The following MYF6 variants were observed in gnomAD, a reference collection of about 807,000 sequenced individuals.
The protein encoded by MYF6 is class C basic helix-loop-helix protein 4.
MYF6 carries 20 observed loss-of-function variants against 21.7 expected under a neutral mutation model. The ratio of observed to expected loss-of-function variants is 0.92; its 90% confidence interval spans 0.65 to 1.34. The LOEUF (loss-of-function observed/expected upper bound fraction) is 1.34, where lower values mean the gene tolerates loss of function less well. Ranked by LOEUF, MYF6 falls within the 40% of genes most tolerant of loss-of-function variation. The probability of loss-of-function intolerance (pLI) is 0.00; values close to 1 mark genes in which losing one functional copy is unlikely to be tolerated. For missense variants in MYF6, 320 were observed against 304.1 expected (o/e 1.05, Z -0.39); for synonymous variants, 124 against 124.7 (o/e 0.99, Z 0.04).
At position 80,709,085 on chromosome 12, in the gene MYF6, AG is replaced by A. The variant is rs1868429068; in HGVS notation, c.*128del. The A allele has an allele frequency of 8.9e-6, 7 of 783,250 alleles. No homozygotes were observed. The Admixed American group carries it at 1.0e-4, about 12-fold the overall frequency. 48.5% of individuals were successfully genotyped at this position (783,250 alleles called of 1,614,324 possible). A position where few individuals can be genotyped will look rare whatever the true frequency, so the allele number is the denominator to read the frequency against. On this transcript the variant is annotated 3_prime_UTR_variant, in exon 3 of 3. Coordinates refer to ENST00000228641, the MANE Select transcript of MYF6 (RefSeq NM_002469.3). ...GAACCCAGACCGAAAAGTTGCTGAA[AG>A]GGAAGGAGACACATTCACAAAGAAA...
rs1395774465 is a variant in MYF6, at chr12:80,707,790, C to A, written c.71C>A (p.Pro24Gln). Residue 24 changes from proline to glutamine, a missense_variant, in exon 1 of 3, where the codon CCA (proline) becomes CAA (glutamine). Physicochemically the swap from Pro to Gln is moderately conservative, Grantham distance 76 (BLOSUM62 -1). Transcript: ENST00000228641. ...YLDGENVTLQ[P>Q]LEVAEGSPLY... The stretch of plus-strand genomic sequence containing the variant: ...GATGGGGAAAATGTTACTCTGCAGC[C>A]ATTAGAAGTGGCAGAAGGCTCTCCT... 2.5e-6 allele frequency: 4 copies of A among 1,614,102 alleles called. No homozygotes were observed. In the Admixed American group the frequency reaches 6.7e-5, roughly 27 times the overall value.
chr12:80,709,306 A>C lies in MYF6; in HGVS notation c.*346A>C, dbSNP rs1047183. 9 of 222,750 alleles carry C rather than the reference A, an allele frequency of 4.0e-5. No homozygotes were observed. The highest frequency in any genetic ancestry group is 9.0e-6 in the Non-Finnish European group (1 of 111,190). 13.8% of individuals were successfully genotyped at this position (222,750 alleles called of 1,614,324 possible). ...GTTCAAAAGAAGTTCATTCCTGTCT[A>C]AAGTGGGAAAGTTGCATTTAATGTT... On this transcript the variant is annotated 3_prime_UTR_variant, in exon 3 of 3. Coordinates refer to ENST00000228641, the MANE Select transcript of MYF6 (RefSeq NM_002469.3).
Position 80,708,510 on chromosome 12 carries a change from G to T in MYF6, c.520-14G>T, listed in dbSNP as rs779720705. On this transcript the variant is annotated splice_polypyrimidine_tract_variant and intron_variant, in intron 1 of 2. Coordinates refer to ENST00000228641, the MANE Select transcript of MYF6 (RefSeq NM_002469.3). The stretch of plus-strand genomic sequence containing the variant: ...TTCTTTCCTAATCTGCCGCTGCCTT[G>T]GTTTTCCCTCCAGCTTGAGGGTGCG... 2 of 1,602,486 alleles carry T rather than the reference G, an allele frequency of 1.2e-6. No individual in the cohort carries two copies. Among genetic ancestry groups the T allele is most frequent in the Non-Finnish European group, 8.5e-7 (1 of 1,170,460 alleles).
In MYF6 at chr12:80,708,941, AG is replaced by A. The variant is rs1451307087; in HGVS notation, c.712del (p.Glu238LysfsTer7). 6.2e-7 allele frequency: 1 copy of A among 1,613,696 alleles called. No individual in the cohort carries two copies. Among genetic ancestry groups the A allele is most frequent in the Non-Finnish European group, 8.5e-7 (1 of 1,179,690 alleles). On this transcript the variant is annotated frameshift_variant, in exon 3 of 3. Transcript: ENST00000228641. LOFTEE classifies it high-confidence loss of function. ...GAGGAACGCAAACTCCCCTGCGTGG[AG>A]GAAGTGGTGGAGAAGTAACTGAGCC... ...SSEERKLPCV[E>X]EVVEK
Position 80,708,563 on chromosome 12 carries a change from T to A in MYF6, c.559T>A (p.Trp187Arg), listed in dbSNP as rs143677057. The change falls in exon 2 of 3, where the codon TGG becomes AGG. Residue 187 changes from tryptophan (W) to arginine (R), a missense_variant. By Grantham distance (101) the Trp-to-Arg change is moderately radical (BLOSUM62 -3). Coordinates refer to ENST00000228641, the MANE Select transcript of MYF6 (RefSeq NM_002469.3). The stretch of plus-strand genomic sequence containing the variant: ...TTTCCTGCGCACCTGCAGCTCCCAG[T>A]GGCCAAGTGTTTCCGATCATTCCAG... ...ADFLRTCSSQ[W>R]PSVSDHSRGL... 1,042 of 1,613,308 alleles carry A rather than the reference T, an allele frequency of 6.5e-4. 1 individual carries two copies. Among genetic ancestry groups the A allele is most frequent in the Non-Finnish European group, 7.5e-4 (886 of 1,179,646 alleles).
At chr12:80,708,662 G>T (rs1404618722) in intron 2 of MYF6, 48 bp downstream of exon 2, 6 of 1,590,650 alleles carry the variant, frequency 3.8e-6, no homozygotes, top group Admixed American at 1.7e-5. Context: ...CCGGGAGGTG[G>T]ATAGGATGCT....
rs1035326012 is a variant in MYF6 at position 80,708,521 on chromosome 12, C to T, written c.520-3C>T. ...TCTGCCGCTGCCTTGGTTTTCCCTC[C>T]AGCTTGAGGGTGCGGATTTCCTGCG... On this transcript the variant is annotated splice_region_variant and splice_polypyrimidine_tract_variant and intron_variant, in intron 1 of 2. Transcript: ENST00000228641. 15 of 1,613,710 alleles carry T rather than the reference C, an allele frequency of 9.3e-6. No individual in the cohort carries two copies. The highest frequency in any genetic ancestry group is 1.3e-5 in the Non-Finnish European group (15 of 1,179,756).
chr12:80,708,254 G>A lies in MYF6; in HGVS notation c.519+16G>A, dbSNP rs1049427657. 2 of 1,604,180 alleles carry A rather than the reference G, an allele frequency of 1.2e-6. No individual in the cohort carries two copies. Among genetic ancestry groups the A allele is most frequent in the Non-Finnish European group, 1.7e-6 (2 of 1,177,970 alleles). On this transcript the variant is annotated intron_variant, in intron 1 of 2. Transcript: ENST00000228641. ...ACAAGAAAATGTAAGCCTAGATGCTGCCGGGGCAGGGAAATGCGAAGGCTG... is the reference window on the plus strand; with the variant it reads ...ACAAGAAAATGTAAGCCTAGATGCTACCGGGGCAGGGAAATGCGAAGGCTG...
Position 80,707,708 on chromosome 12 carries a change from AAGG to A in MYF6, c.-6_-4del. On this transcript the variant is annotated 5_prime_UTR_variant, in exon 1 of 3. Coordinates refer to ENST00000228641, the MANE Select transcript of MYF6 (RefSeq NM_002469.3). ...CCCAGTTCAGATCGAGTCAGAGGCC[AAGG>A]AGGAGAACATGATGATGGACCTTTT... is the stretch of plus-strand genomic sequence containing the variant. The A allele has an allele frequency of 1.2e-6, 2 of 1,614,178 alleles. No homozygotes were observed. Among genetic ancestry groups the A allele is most frequent in the Non-Finnish European group, 1.7e-6 (2 of 1,180,030 alleles).
Position 80,708,047 on chromosome 12 carries a change from A to T in MYF6, c.328A>T (p.Asn110Tyr). Reference sequence around the variant, plus strand: ...CGAAAGGAGGAGGCTAAAGAAAATCAACGAGGCCTTCGAGGCACTGAAGCG... The same window carrying T: ...CGAAAGGAGGAGGCTAAAGAAAATCTACGAGGCCTTCGAGGCACTGAAGCG... ...LRERRRLKKINEAFEALKRRT... is the reference protein window; with the variant it reads ...LRERRRLKKIYEAFEALKRRT... Residue 110 changes from asparagine to tyrosine, a missense_variant, in exon 1 of 3, where the codon AAC (asparagine) becomes TAC (tyrosine). Transcript: ENST00000228641. 6.2e-7 allele frequency: 1 copy of T among 1,614,162 alleles called. No individual in the cohort carries two copies. Among genetic ancestry groups the T allele is most frequent in the Non-Finnish European group, 8.5e-7 (1 of 1,180,038 alleles).
At chr12:80,708,656 G>T in intron 2 of MYF6, 42 bp downstream of exon 2, 1 of 1,595,622 alleles carries the variant, frequency 6.3e-7, no homozygotes, top group Non-Finnish European at 8.6e-7. Context: ...GAAAATCCGG[G>T]AGGTGGATAG....
intron 1 of MYF6, 47 bp downstream of exon 1, chr12:80,708,285 ACGCCTTCCGCGGGGCCTTAACCT>A (rs1363332333): frequency 6.3e-7 from 1 of 1,583,926 alleles, no homozygotes; most frequent in Non-Finnish European, 8.5e-7. Context: ...GGCTGATTAA[ACGCCTTCCGCGGGGCCTTAACCT>A]CCAGCTGCTT....
In MYF6 at chr12:80,707,816, T is replaced by C; in HGVS notation, c.97T>C (p.Leu33=). 6.2e-7 allele frequency: 1 copy of C among 1,614,140 alleles called. No individual in the cohort carries two copies. Among genetic ancestry groups the C allele is most frequent in the South Asian group, 1.1e-5 (1 of 91,086 alleles). The change falls in exon 1 of 3, where the codon TTG becomes CTG. Residue 33 remains leucine, a synonymous_variant. Transcript: ENST00000228641. Reference sequence around the variant, plus strand: ...ATTAGAAGTGGCAGAAGGCTCTCCTTTGTATCCAGGGAGTGATGGTACCTT... The same window carrying C: ...ATTAGAAGTGGCAGAAGGCTCTCCTCTGTATCCAGGGAGTGATGGTACCTT... ...QPLEVAEGSP[L]YPGSDGTLSP...
intron 1 of MYF6, 115 bp downstream of exon 1, chr12:80,708,353 C>T (rs1366471224): frequency 3.4e-6 from 5 of 1,464,248 alleles, no homozygotes; most frequent in Non-Finnish European, 3.7e-6. Context: ...TCGCCCGCCC[C>T]TCCCGCTCCG....
chr12:80,708,380 A>G (rs1868406340), intron 1 of MYF6, 142 bp downstream of exon 1: 2 of 1,392,730 alleles, frequency 1.4e-6, no homozygotes, highest in East Asian at 2.4e-5. Flanking sequence ...ATGAACCCCC[A>G]GTGACCCAAG....
chr12:80,707,813 C>T lies in MYF6; in HGVS notation c.94C>T (p.Pro32Ser), dbSNP rs776595282. The T allele has an allele frequency of 7.4e-6, 12 of 1,614,018 alleles. No homozygotes were observed. The highest frequency in any genetic ancestry group is 6.7e-5 in the Admixed American group (4 of 60,004). ...GCCATTAGAAGTGGCAGAAGGCTCT[C>T]CTTTGTATCCAGGGAGTGATGGTAC... ...LQPLEVAEGS[P>S]LYPGSDGTLS... Residue 32 changes from proline (P) to serine (S), a missense_variant, in exon 1 of 3, where the codon CCT becomes TCT. Pro to Ser is a moderately conservative substitution (Grantham distance 74, BLOSUM62 -1). Transcript: ENST00000228641.
intron 2 of MYF6, 70 bp from the exon 3 acceptor site, chr12:80,708,772 C>A: frequency 6.4e-7 from 1 of 1,565,044 alleles, no homozygotes; most frequent in South Asian, 1.1e-5. Context: ...AAAGCGGCCT[C>A]GCGCGGGGCG....
rs1239940680 is a variant in MYF6, at chr12:80,707,759, T to C, written c.40T>C (p.Tyr14His). ...DLFETGSYFF[Y>H]LDGENVTLQP... ...TTTTGAAACTGGCTCCTATTTCTTC[T>C]ACTTGGATGGGGAAAATGTTACTCT... The change falls in exon 1 of 3, where the codon TAC (tyrosine) becomes CAC (histidine). Residue 14 changes from tyrosine (Y) to histidine (H), a missense_variant. Physicochemically the swap from Tyr to His is moderately conservative, Grantham distance 83. Transcript: ENST00000228641. 2 of 1,614,174 alleles carry C rather than the reference T, an allele frequency of 1.2e-6. No homozygotes were observed. Among genetic ancestry groups the C allele is most frequent in the South Asian group, 1.1e-5 (1 of 91,086 alleles).
At position 80,708,873 on chromosome 12, in the gene MYF6, T is replaced by A. The variant is rs754416637; in HGVS notation, c.642T>A (p.Ser214Arg). ...CAAGTATTGATTCGTCAGCCTCGAG[T>A]AGCCTTCGATGCCTTTCTTCCATCG... is the stretch of plus-strand genomic sequence containing the variant. ...GGASIDSSAS[S>R]SLRCLSSIVD... is the part of the protein sequence containing the mutation. The change falls in exon 3 of 3, where the codon AGT (serine) becomes AGA (arginine). Residue 214 changes from serine to arginine, a missense_variant. Ser to Arg is a moderately radical substitution (Grantham distance 110). Transcript: ENST00000228641. The A allele has an allele frequency of 6.2e-7, 1 of 1,613,992 alleles. No homozygotes were observed. The highest frequency in any genetic ancestry group is 1.3e-5 in the African/African-American group (1 of 74,932).
Sources: allele counts gnomAD v4.1 joint callset, GRCh38; gene constraint gnomAD v4.1.1; transcripts MANE v1.5; gene names NCBI Gene and HGNC (gene_info 2026-07-23, HGNC 2026-07-21).